VPS8: variants seen among roughly 807,000 people sequenced by gnomAD.
VPS8 encodes VPS8 subunit of CORVET complex, also known as vacuolar protein sorting-associated protein 8 homolog.
Under a neutral mutation model 216.4 loss-of-function variants are expected in VPS8, and 129 were observed. The observed-to-expected ratio is 0.60, with a 90% CI of 0.52 to 0.69. The LOEUF (loss-of-function observed/expected upper bound fraction) is 0.69. Ranked by LOEUF, VPS8 falls within the 30% of genes least tolerant of loss-of-function variation. The pLI, the probability that VPS8 is intolerant of heterozygous loss-of-function variation, is 0.00. For synonymous variants in VPS8, 571 were observed against 565.4 expected, an observed-to-expected ratio of 1.01 and a Z score of -0.14; for missense variants, 1,531 against 1,683.5, an observed-to-expected ratio of 0.91 and a Z score of 1.59.
chr3:184,945,907 A>G (rs1319397158), intron 36 of VPS8, among the ~76,000 whole-genome samples: 1 of 152,184 alleles, frequency 6.6e-6, no homozygotes, highest in Admixed American at 6.5e-5. Flanking sequence ...AGATGAAATC[A>G]TAGTAGTGTG....
intron 37 of VPS8, among the ~76,000 whole-genome samples, chr3:184,960,579 C>T (rs967294937): frequency 6.6e-6 from 1 of 152,094 alleles, no homozygotes; most frequent in African/African-American, 2.4e-5. Flanking sequence ...CTCAAAGAAA[C>T]ATGATTTCTT....
intron 37 of VPS8, among the ~76,000 whole-genome samples, chr3:184,961,907 T>C (rs1364661394): frequency 1.3e-5 from 2 of 151,926 alleles, no homozygotes; most frequent in Non-Finnish European, 2.9e-5. Context: ...GCTGAAATTA[T>C]AGGTGCACAC....
rs1726644392 is a variant in VPS8, at chr3:184,862,948, G to T, written c.1276G>T (p.Val426Leu). The change falls in exon 16 of 48, where the codon GTG (valine) becomes TTG (leucine). Residue 426 changes from valine to leucine, a missense_variant. Val to Leu is a conservative substitution (Grantham distance 32). This residue lies in a region of VPS8 where 1,318 missense variants were observed against 1,468.4 expected (regional missense o/e 0.90). Coordinates refer to ENST00000625842, the MANE Select transcript of VPS8 (RefSeq NM_001009921.3). Reference protein sequence around the residue: ...VLLDSVEKLHVIDRQTQEELE... With the variant: ...VLLDSVEKLHLIDRQTQEELE... The stretch of plus-strand genomic sequence containing the variant: ...CTTAGACAGCGTAGAGAAGTTGCAT[G>T]TGATTGATCGGCAAACACAAGAGGA... The T allele has an allele frequency of 6.2e-7, 1 of 1,613,944 alleles. No individual in the cohort carries two copies. Among genetic ancestry groups the T allele is most frequent in the East Asian group, 2.2e-5 (1 of 44,880 alleles).
chr3:184,935,012 A>G (rs1741346409), intron 34 of VPS8, among the ~76,000 whole-genome samples: 1 of 152,070 alleles, frequency 6.6e-6, no homozygotes, highest in Non-Finnish European at 1.5e-5. Context: ...TAAACTACTC[A>G]CTCAGTTATT....
chr3:185,024,208 T>C, intron 45 of VPS8, 128 bp from the exon 46 acceptor site: 1 of 864,622 alleles, frequency 1.2e-6, no homozygotes, highest in Non-Finnish European at 1.7e-6. Context: ...TATTAATCTA[T>C]TAATTTCCTC....
chr3:185,036,617 T>G (rs1156974195), intron 46 of VPS8, among the ~76,000 whole-genome samples: 2 of 152,020 alleles, frequency 1.3e-5, no homozygotes, highest in African/African-American at 4.8e-5. Context: ...ATTTACCATA[T>G]GCATCCTAGA....
chr3:184,834,616 CTGTTTTTAAA>C, intron 4 of VPS8, 23 bp from the exon 5 acceptor site: 2 of 1,484,034 alleles, frequency 1.3e-6, no homozygotes, highest in Non-Finnish European at 1.8e-6. Context: ...CTATTTTTAT[CTGTTTTTAAA>C]TGTTTTTCTT....
chr3:184,868,260 A>C, intron 18 of VPS8: 1 of 527,490 alleles, frequency 1.9e-6, no homozygotes, highest in East Asian at 3.2e-5. Flanking sequence ...ATATATTAGA[A>C]AATTCAAAAT....
chr3:184,844,720 G>C (rs1260711121), intron 8 of VPS8, among the ~76,000 whole-genome samples: 1 of 152,196 alleles, frequency 6.6e-6, no homozygotes, highest in Non-Finnish European at 1.5e-5. Context: ...ATGCTGAGGA[G>C]ATCTACTCTA....
intron 25 of VPS8, 57 bp downstream of exon 25, chr3:184,901,029 A>G: frequency 2.0e-6 from 3 of 1,523,680 alleles, no homozygotes; most frequent in Non-Finnish European, 2.7e-6. Flanking sequence ...TATTATTTAA[A>G]TGTTACAAAA....
chr3:184,968,613 A>C (rs552330230), intron 39 of VPS8, among the ~76,000 whole-genome samples: 1 of 152,162 alleles, frequency 6.6e-6, no homozygotes, highest in East Asian at 1.9e-4. Flanking sequence ...TTTGATTTGC[A>C]TTTCTCTAAT....
intron 11 of VPS8, among the ~76,000 whole-genome samples, chr3:184,853,104 C>T (rs1409486547): frequency 6.6e-6 from 1 of 152,020 alleles, no homozygotes; most frequent in Non-Finnish European, 1.5e-5. Context: ...TCTAACAATG[C>T]TAAGTACAAA....
rs192643338 is a variant in VPS8, at chr3:184,915,033, G to A, written c.2242G>A (p.Val748Ile). ...CCTTGGTGACATCCCTGAAGATCTG[G>A]TTCCCTTGGTTAAAAACCAGGTTGG... is the stretch of plus-strand genomic sequence containing the variant. ...YPLGDIPEDL[V>I]PLVKNQVFEF... Residue 748 changes from valine (V) to isoleucine (I), a missense_variant, in exon 27 of 48, where the codon GTT becomes ATT. Physicochemically the swap from Val to Ile is conservative, Grantham distance 29. Transcript: ENST00000625842. The A allele has an allele frequency of 6.2e-6, 10 of 1,613,962 alleles. No individual in the cohort carries two copies. Among genetic ancestry groups the A allele is most frequent in the Non-Finnish European group, 8.5e-6 (10 of 1,179,874 alleles).
At chr3:184,945,744 C>A (rs1560805586) in intron 36 of VPS8, among the ~76,000 whole-genome samples, 1 of 152,150 alleles carries the variant, frequency 6.6e-6, no homozygotes, top group Admixed American at 6.5e-5. Context: ...CACAATATTA[C>A]AGTAGAGAAA....
At chr3:184,961,294 C>T (rs1266318651) in intron 37 of VPS8, among the ~76,000 whole-genome samples, 4 of 152,152 alleles carry the variant, frequency 2.6e-5, no homozygotes, top group Non-Finnish European at 2.9e-5. Context: ...TGTCATGTAT[C>T]GCTTTTCCTT....
chr3:184,856,809 A>T (rs1405352460), intron 14 of VPS8, among the ~76,000 whole-genome samples: 1 of 152,078 alleles, frequency 6.6e-6, no homozygotes, highest in African/African-American at 2.4e-5. Flanking sequence ...CTCTGAGCTC[A>T]TGATTAACAT....
rs1245412300 is a variant in VPS8 at position 184,827,976 on chromosome 3, G to C, written c.222+1745G>C. Among the ~76,000 whole-genome samples the C allele has an allele frequency of 5.3e-5, 8 of 152,096 alleles. No individual in the cohort carries two copies. The East Asian group carries it at 1.5e-3, about 29-fold the overall frequency. ...GAAGACGATAAGGGGGCTGTGGGGA[G>C]TACTAAAGAAAATGACTGAAGGAAA... On this transcript the variant is annotated intron_variant, in intron 3 of 47. Transcript: ENST00000625842.
chr3:184,901,026 T>C, intron 25 of VPS8, 54 bp downstream of exon 25: 1 of 1,534,154 alleles, frequency 6.5e-7, no homozygotes, highest in Non-Finnish European at 8.9e-7. Flanking sequence ...AGGTATTATT[T>C]AAATGTTACA....
intron 42 of VPS8, among the ~76,000 whole-genome samples, chr3:184,989,441 C>CT (rs1016794916): frequency 3.3e-5 from 5 of 149,360 alleles, no homozygotes; most frequent in African/African-American, 9.8e-5. Context: ...TTTTTTTTTC[C>CT]TTTTTTGTGG....
Sources: allele counts gnomAD v4.1 joint callset (sites outside exome capture counted in the v4.1 genomes callset), GRCh38; gene constraint gnomAD v4.1.1; regional missense constraint gnomAD v4.1.1; transcripts MANE v1.5; gene names NCBI Gene and HGNC (gene_info 2026-07-23, HGNC 2026-07-21).